The following ATP8A2 variants were observed in gnomAD, a reference collection of about 807,000 sequenced individuals.
The protein encoded by ATP8A2 is phospholipid-transporting ATPase IB.
Under a neutral mutation model 165.6 loss-of-function variants are expected in ATP8A2, and 100 were observed. That is an observed-to-expected ratio of 0.60 (90% CI 0.51 to 0.71). The LOEUF (loss-of-function observed/expected upper bound fraction) is 0.71, where lower values mean the gene tolerates loss of function less well. Ranked by LOEUF, ATP8A2 falls within the 30% of genes least tolerant of loss-of-function variation. The pLI, the probability that ATP8A2 is intolerant of heterozygous loss-of-function variation, is 0.00. For missense variants in ATP8A2, 1,227 were observed against 1,479.5 expected (o/e 0.83, Z 2.80); for synonymous variants, 543 against 548.8 (o/e 0.99, Z 0.15).
intron 1 of ATP8A2, among the ~76,000 whole-genome samples, chr13:25,459,710 A>C (rs2035455862): frequency 6.6e-6 from 1 of 152,214 alleles, no homozygotes; most frequent in Non-Finnish European, 1.5e-5. Flanking sequence ...AGGGAATGAC[A>C]TTCTAGGTGA....
intron 25 of ATP8A2, among the ~76,000 whole-genome samples, chr13:25,756,047 G>C (rs1438489440): frequency 6.6e-6 from 1 of 152,150 alleles, no homozygotes; most frequent in Non-Finnish European, 1.5e-5. Flanking sequence ...ACCTTGAGAG[G>C]CCTTAAAGCC....
At chr13:25,739,972 A>G (rs2138139896) in intron 25 of ATP8A2, among the ~76,000 whole-genome samples, 2 of 152,354 alleles carry the variant, frequency 1.3e-5, no homozygotes, top group African/African-American at 4.8e-5. Context: ...ACAGTCCACC[A>G]CAGTGGGCTG....
At chr13:25,560,693 C>CT (rs2039117857) in intron 15 of ATP8A2, among the ~76,000 whole-genome samples, 1 of 91,386 alleles carries the variant, frequency 1.1e-5, no homozygotes, top group South Asian at 4.2e-4. Context: ...GAGTGAGACT[C>CT]TTGTCTCAAA....
intron 24 of ATP8A2, among the ~76,000 whole-genome samples, chr13:25,666,358 T>C (rs2042154229): frequency 6.6e-6 from 1 of 151,304 alleles, no homozygotes; most frequent in African/African-American, 2.5e-5. Flanking sequence ...TACAGGCACC[T>C]GCCACAATGC....
intron 24 of ATP8A2, among the ~76,000 whole-genome samples, chr13:25,692,199 C>T (rs770522565): frequency 1.2e-4 from 19 of 152,322 alleles, no homozygotes; most frequent in Non-Finnish European, 2.2e-4. Flanking sequence ...AGAGCATTAT[C>T]ATTAGCTACT....
intron 2 of ATP8A2, among the ~76,000 whole-genome samples, chr13:25,506,499 G>T (rs916364654): frequency 6.6e-6 from 1 of 152,200 alleles, no homozygotes; most frequent in Non-Finnish European, 1.5e-5. Context: ...GGCAGATATT[G>T]CCCACCAGTT....
At chr13:25,974,438 T>C (rs1955980465) in intron 35 of ATP8A2, among the ~76,000 whole-genome samples, 1 of 151,810 alleles carries the variant, frequency 6.6e-6, no homozygotes, top group Admixed American at 6.6e-5. Flanking sequence ...ATGGGAGTGG[T>C]GTGGACGAAT....
chr13:26,012,863 A>G (rs571904349), intron 36 of ATP8A2, among the ~76,000 whole-genome samples: 43 of 152,260 alleles, frequency 2.8e-4, no homozygotes, highest in African/African-American at 9.4e-4. Flanking sequence ...TGGTGTGGTT[A>G]TGATCCTTCC....
rs554995955 is a variant in ATP8A2 at position 25,512,822 on chromosome 13, C to T, written c.222-17177C>T. Reference sequence around the variant, plus strand: ...CTCCCTCCCGTACGGGGCGGCTGGCCGGGCAGAGGGGCTCCTCACTTTCCA... The same window carrying T: ...CTCCCTCCCGTACGGGGCGGCTGGCTGGGCAGAGGGGCTCCTCACTTTCCA... On this transcript the variant is annotated intron_variant, in intron 2 of 36. Transcript: ENST00000381655. Among the ~76,000 whole-genome samples the T allele has an allele frequency of 9.2e-5, 13 of 142,036 alleles. No individual in the cohort carries two copies. In the East Asian group the frequency reaches 1.3e-3, roughly 14 times the overall value. The allele number at this position is 142,036 out of a possible 152,430, so 93.2% of individuals were successfully genotyped here.
intron 24 of ATP8A2, among the ~76,000 whole-genome samples, chr13:25,698,238 T>G (rs1043177932): frequency 1.3e-5 from 2 of 151,938 alleles, no homozygotes; most frequent in African/African-American, 4.8e-5. Flanking sequence ...TTTTTTTTTT[T>G]TTAAAGAAAC....
chr13:25,408,415 A>G lies in ATP8A2; in HGVS notation c.76+36127A>G, dbSNP rs927785296. Reference sequence around the variant, plus strand: ...TCAAAAAAAAAAAAGCTTGTGCAGGATCCCAGGTGAGTTAGCCCTGCCCTT... The same window carrying G: ...TCAAAAAAAAAAAAGCTTGTGCAGGGTCCCAGGTGAGTTAGCCCTGCCCTT... On this transcript the variant is annotated intron_variant, in intron 1 of 36. Coordinates refer to ENST00000381655, the MANE Select transcript of ATP8A2 (RefSeq NM_016529.6). Among the ~76,000 whole-genome samples the G allele has an allele frequency of 6.6e-5, 10 of 150,546 alleles. No individual in the cohort carries two copies. The East Asian group carries it at 1.4e-3, about 21-fold the overall frequency.
intron 24 of ATP8A2, among the ~76,000 whole-genome samples, chr13:25,621,763 C>T (rs191476182): frequency 7.2e-5 from 11 of 152,282 alleles, no homozygotes; most frequent in African/African-American, 1.2e-4. Context: ...CAAATTTGCA[C>T]TGAATTTAGA....
chr13:25,517,642 C>G (rs1566210843), intron 2 of ATP8A2, among the ~76,000 whole-genome samples: 1 of 152,192 alleles, frequency 6.6e-6, no homozygotes, highest in East Asian at 1.9e-4. Context: ...TGTTTTGTGA[C>G]AGATAGTCTA....
At position 25,502,352 on chromosome 13, in the gene ATP8A2, C is replaced by T. The variant is rs114680663; in HGVS notation, c.222-27647C>T. Among the ~76,000 whole-genome samples, 710 of 152,286 alleles carry T rather than the reference C, an allele frequency of 4.7e-3. 6 individuals are homozygous for T. Among genetic ancestry groups the T allele is most frequent in the African/African-American group, 0.016 (684 of 41,556 alleles). The stretch of plus-strand genomic sequence containing the variant: ...TAATTCAGATAAATCCTCATTGAGC[C>T]TCATTATAACCTCATCATCATGTCA... On this transcript the variant is annotated intron_variant, in intron 2 of 36. Coordinates refer to ENST00000381655, the MANE Select transcript of ATP8A2 (RefSeq NM_016529.6).
At chr13:25,590,275 A>C (rs2040034366) in intron 24 of ATP8A2, among the ~76,000 whole-genome samples, 2 of 152,032 alleles carry the variant, frequency 1.3e-5, no homozygotes, top group African/African-American at 2.4e-5. Flanking sequence ...AAATGGAAAA[A>C]TTGGCCAGCC....
At chr13:25,854,034 T>C (rs1033924605) in intron 30 of ATP8A2, among the ~76,000 whole-genome samples, 3 of 152,176 alleles carry the variant, frequency 2.0e-5, no homozygotes, top group East Asian at 3.9e-4. Context: ...AGGGCTGTTA[T>C]TGGGTTTTGT....
chr13:25,501,376 C>T (rs1250365076), intron 2 of ATP8A2, among the ~76,000 whole-genome samples: 2 of 152,244 alleles, frequency 1.3e-5, no homozygotes, highest in Non-Finnish European at 2.9e-5. Context: ...TGGATAATTT[C>T]AGTGAGCTCT....
intron 33 of ATP8A2, among the ~76,000 whole-genome samples, chr13:25,936,567 C>T (rs1412339732): frequency 6.6e-6 from 1 of 152,228 alleles, no homozygotes; most frequent in Non-Finnish European, 1.5e-5. Flanking sequence ...CCCAATCCCA[C>T]AAGTTTTCAT....
chr13:25,732,108 T>C (rs2043661899), intron 25 of ATP8A2, among the ~76,000 whole-genome samples: 3 of 152,190 alleles, frequency 2.0e-5, no homozygotes, highest in African/African-American at 7.2e-5. Context: ...ATCAAGCTTT[T>C]CCCTCCCTAG....
Sources: gnomAD v4.1 joint callset for allele counts (sites outside exome capture counted in the v4.1 genomes callset) on GRCh38, gnomAD v4.1.1 for gene constraint, MANE v1.5 for transcripts, NCBI Gene and HGNC (gene_info 2026-07-23, HGNC 2026-07-21) for gene names.